Variants in SMURF2 observed in about 807,000 individuals in gnomAD.
SMURF2 encodes SMAD specific E3 ubiquitin protein ligase 2, also known as E3 ubiquitin-protein ligase SMURF2.
In SMURF2, 48 loss-of-function variants were observed where a neutral mutation model predicts 109.6. The observed-to-expected ratio is 0.44, with a 90% confidence interval of 0.35 to 0.56. SMURF2 has a LOEUF of 0.56. Ranked by LOEUF, SMURF2 falls within the 20% of genes least tolerant of loss-of-function variation. SMURF2 has a pLI of 0.01. For synonymous variants in SMURF2, 288 were observed against 317.1 expected, an observed-to-expected ratio of 0.91 and a Z score of 0.97; for missense variants, 575 against 909.0, an observed-to-expected ratio of 0.63 and a Z score of 4.72.
At chr17:64,573,279 A>G (rs1598277445) in intron 9 of SMURF2, among the ~76,000 whole-genome samples, 6 of 105,216 alleles carry the variant, frequency 5.7e-5, no homozygotes, top group African/African-American at 1.1e-4. Context: ...GAGGAGGGGG[A>G]GGAGGAGGAG....
chr17:64,647,610 G>A (rs1204781425), intron 1 of SMURF2, among the ~76,000 whole-genome samples: 2 of 151,912 alleles, frequency 1.3e-5, no homozygotes, highest in Non-Finnish European at 2.9e-5. Context: ...GAACCCAGGA[G>A]GGGGAGGTTG....
rs781933125 is a variant in SMURF2 at position 64,651,678 on chromosome 17, C to A, written c.52+10151G>T. ...ATGGCTCAGACCTGTAATCCCAGCACTTTGGAAAGCCAAGGCAGGGGATCA... is the reference window on the plus strand; with the variant it reads ...ATGGCTCAGACCTGTAATCCCAGCAATTTGGAAAGCCAAGGCAGGGGATCA... On this transcript the variant is annotated intron_variant, in intron 1 of 18. Transcript: ENST00000262435. 2.0e-5 allele frequency among the ~76,000 whole-genome samples: 3 copies of A among 151,986 alleles called. No individual in the cohort carries two copies. In the South Asian group the frequency reaches 6.2e-4, roughly 32 times the overall value.
At chr17:64,641,649 C>T (rs1970494172) in intron 1 of SMURF2, among the ~76,000 whole-genome samples, 1 of 152,128 alleles carries the variant, frequency 6.6e-6, no homozygotes, top group Non-Finnish European at 1.5e-5. Flanking sequence ...TGCCATAAAC[C>T]AGCCCATGTA....
At chr17:64,618,543 A>C (rs1288441286) in intron 1 of SMURF2, among the ~76,000 whole-genome samples, 2 of 152,146 alleles carry the variant, frequency 1.3e-5, no homozygotes, top group Non-Finnish European at 2.9e-5. Flanking sequence ...GTGCAGACCA[A>C]ACATTATCCT....
chr17:64,566,505 GAAAAA>G (rs144644076), intron 10 of SMURF2, among the ~76,000 whole-genome samples: 1 of 119,684 alleles, frequency 8.4e-6, no homozygotes. Context: ...TCCTTAAGAA[GAAAAA>G]AACAAAACAA....
Position 64,661,884 on chromosome 17 carries a change from C to A in SMURF2, c.-4G>T. 2 of 1,203,080 alleles carry A rather than the reference C, an allele frequency of 1.7e-6. No individual in the cohort carries two copies. The highest frequency in any genetic ancestry group is 2.1e-6 in the Non-Finnish European group (2 of 971,212). The allele number at this position is 1,203,080 out of a possible 1,614,324, so 74.5% of individuals were successfully genotyped here. A position where few individuals can be genotyped will look rare whatever the true frequency, so the allele number is the denominator to read the frequency against. On this transcript the variant is annotated 5_prime_UTR_variant, in exon 1 of 19. Coordinates refer to ENST00000262435, the MANE Select transcript of SMURF2 (RefSeq NM_022739.4). ...TCCGGCCTCCGGGGTTAGACATGTC[C>A]CCGGCGGCGGGGGCGGCGGGGGCGG...
At position 64,571,936 on chromosome 17, in the gene SMURF2, C is replaced by A; in HGVS notation, c.878G>T (p.Cys293Phe). ...AGGAGGCAATGGACCAAGCTCTTCACAATTGATGTTGCTAAGATCCCTGCA... is the reference window on the plus strand; with the variant it reads ...AGGAGGCAATGGACCAAGCTCTTCAAAATTGATGTTGCTAAGATCCCTGCA... ...RVPRDLSNINCEELGPLPPGW... is the reference protein window; with the variant it reads ...RVPRDLSNINFEELGPLPPGW... Residue 293 changes from cysteine to phenylalanine, a missense_variant, in exon 10 of 19, where the codon TGT becomes TTT. By Grantham distance (205) the Cys-to-Phe change is radical. Coordinates refer to ENST00000262435, the MANE Select transcript of SMURF2 (RefSeq NM_022739.4). The A allele has an allele frequency of 6.2e-7, 1 of 1,612,394 alleles. No individual in the cohort carries two copies. Among genetic ancestry groups the A allele is most frequent in the Non-Finnish European group, 8.5e-7 (1 of 1,179,388 alleles).
At chr17:64,576,010 G>A (rs1196196457) in intron 9 of SMURF2, among the ~76,000 whole-genome samples, 1 of 151,928 alleles carries the variant, frequency 6.6e-6, no homozygotes, top group East Asian at 1.9e-4. Context: ...TTTGAGACTA[G>A]CTTGGGCAAC....
rs371936221 is a variant in SMURF2, at chr17:64,626,763, AAAAAC to A, written c.53-20128_53-20124del. Among the ~76,000 whole-genome samples, 186 of 152,274 alleles carry A rather than the reference AAAAAC, an allele frequency of 1.2e-3. 1 individual carries two copies. The South Asian group carries it at 0.022, about 18-fold the overall frequency. ...GCTCGACAGAGCAAGATTCCATCAA[AAAAAC>A]AAAACAAAACAAAACAAAACTTACC... On this transcript the variant is annotated intron_variant, in intron 1 of 18. Transcript: ENST00000262435.
At chr17:64,563,051 A>C in intron 10 of SMURF2, 85 bp from the exon 11 acceptor site, 1 of 1,191,628 alleles carries the variant, frequency 8.4e-7, no homozygotes, top group Non-Finnish European at 1.2e-6. Context: ...TCATATTATA[A>C]AGCAAGTCTA....
At chr17:64,604,647 G>T (rs1156972135) in intron 2 of SMURF2, among the ~76,000 whole-genome samples, 1 of 152,064 alleles carries the variant, frequency 6.6e-6, no homozygotes, top group African/African-American at 2.4e-5. Flanking sequence ...AGAAGCAGCT[G>T]TAAGAGTGCT....
rs542972066 is a variant in SMURF2, at chr17:64,603,414, T to C, written c.91+3188A>G. On this transcript the variant is annotated intron_variant, in intron 2 of 18. Transcript: ENST00000262435. ...CTGGCCAACATGGTGAAACCCCGTCTCTACTAAAAATACAAAAATTAGCTG... is the reference window on the plus strand; with the variant it reads ...CTGGCCAACATGGTGAAACCCCGTCCCTACTAAAAATACAAAAATTAGCTG... Among the ~76,000 whole-genome samples the C allele has an allele frequency of 8.6e-5, 13 of 151,994 alleles. No individual in the cohort carries two copies. In the South Asian group the frequency reaches 2.5e-3, roughly 29 times the overall value.
intron 10 of SMURF2, 23 bp downstream of exon 10, chr17:64,571,775 C>A: frequency 1.3e-6 from 2 of 1,593,466 alleles, no homozygotes; most frequent in South Asian, 1.1e-5. Flanking sequence ...CCCATTTTAA[C>A]ATGTATTGTT....
rs1484323797 is a variant in SMURF2, at chr17:64,578,436, A to C, written c.857+56T>G. On this transcript the variant is annotated intron_variant, in intron 9 of 18. Coordinates refer to ENST00000262435, the MANE Select transcript of SMURF2 (RefSeq NM_022739.4). ...TAAAAATTTCTTAAAAATCAAAGAA[A>C]TCCTAGGTGAAATGGCTCTTTGATG... The C allele has an allele frequency of 5.2e-6, 6 of 1,162,378 alleles. 1 individual carries two copies. The highest frequency in any genetic ancestry group is 7.6e-6 in the Non-Finnish European group (6 of 793,690). 72.0% of individuals were successfully genotyped at this position (1,162,378 alleles called of 1,614,324 possible).
chr17:64,563,625 C>A (rs782251438), intron 10 of SMURF2, among the ~76,000 whole-genome samples: 4 of 152,204 alleles, frequency 2.6e-5, no homozygotes, highest in Non-Finnish European at 4.4e-5. Context: ...TCAAAATGGA[C>A]TGCAAACATC....
chr17:64,637,190 G>A (rs377638070), intron 1 of SMURF2, among the ~76,000 whole-genome samples: 3 of 151,048 alleles, frequency 2.0e-5, no homozygotes, highest in African/African-American at 7.3e-5. Context: ...GCAGTGGCAC[G>A]GTCTCGGCTC....
Position 64,561,477 on chromosome 17 carries a change from TA to T in SMURF2, c.1316+22del, listed in dbSNP as rs782471757. On this transcript the variant is annotated intron_variant, in intron 12 of 18. Transcript: ENST00000262435. ...TGTAAGTACAAAGATCCATATGTCA[TA>T]AGCTGGCAAGCAAGTCCATACCTGG... 6.5e-5 allele frequency: 98 copies of T among 1,515,930 alleles called. No homozygotes were observed. In the Middle Eastern group the frequency reaches 6.8e-4, roughly 11 times the overall value. 93.9% of individuals were successfully genotyped at this position (1,515,930 alleles called of 1,614,324 possible).
intron 2 of SMURF2, among the ~76,000 whole-genome samples, chr17:64,598,970 A>G (rs528180913): frequency 5.9e-4 from 90 of 152,366 alleles, no homozygotes; most frequent in Non-Finnish European, 9.6e-4. Flanking sequence ...AGGAAAAATC[A>G]GACTGAAACA....
chr17:64,657,985 A>G (rs1206275212), intron 1 of SMURF2, among the ~76,000 whole-genome samples: 1 of 152,190 alleles, frequency 6.6e-6, no homozygotes, highest in Non-Finnish European at 1.5e-5. Flanking sequence ...GAGCTCAACT[A>G]CACTGGCTTC....
Sources: gnomAD v4.1 joint callset for allele counts (sites outside exome capture counted in the v4.1 genomes callset) on GRCh38, gnomAD v4.1.1 for gene constraint, MANE v1.5 for transcripts, NCBI Gene and HGNC (gene_info 2026-07-23, HGNC 2026-07-21) for gene names.